Variants in PDE12 observed in about 807,000 individuals in gnomAD.
PDE12 encodes phosphodiesterase 12, also known as 2',5'-phosphodiesterase 12.
In PDE12, 26 loss-of-function variants were observed where a neutral mutation model predicts 45.4. That is an observed-to-expected ratio of 0.57 (90% CI 0.42 to 0.79). PDE12 has a LOEUF of 0.79. PDE12 is among the 30% of genes least tolerant of loss of function. PDE12 has a pLI of 0.00. For missense variants in PDE12, 668 were observed against 790.0 expected, an observed-to-expected ratio of 0.85 and a Z score of 1.85; for synonymous variants, 283 against 323.9, an observed-to-expected ratio of 0.87 and a Z score of 1.36.
At chr3:57,580,791 A>ATTT in the PDE12 span, among the ~76,000 whole-genome samples, 1 of 147,872 alleles carries the variant, frequency 6.8e-6, no homozygotes, top group African/African-American at 2.5e-5. Flanking sequence ...TTTTTTTTTA[A>ATTT]ATGTAAAGAC....
chr3:57,604,337 T>TA, the PDE12 span, among the ~76,000 whole-genome samples: 1 of 152,174 alleles, frequency 6.6e-6, no homozygotes, highest in Non-Finnish European at 1.5e-5. Context: ...CTGATTCATG[T>TA]AATACTGTCT....
rs2069743981 is a variant in PDE12, at chr3:57,563,136, T to G, written c.*3132T>G. 6.6e-6 allele frequency: 1 copy of G among 152,206 alleles called. No individual in the cohort carries two copies. The highest frequency in any genetic ancestry group is 6.5e-5 in the Admixed American group (1 of 15,270). 9.4% of individuals were successfully genotyped at this position (152,206 alleles called of 1,614,324 possible). A position where few individuals can be genotyped will look rare whatever the true frequency, so the allele number is the denominator to read the frequency against. ...GAAAAATAAAAGTTTGCATTATTAG[T>G]TTATCACAAGACCCATGTGACAACT... On this transcript the variant is annotated 3_prime_UTR_variant, in exon 3 of 3. Coordinates refer to ENST00000311180, the MANE Select transcript of PDE12 (RefSeq NM_177966.7).
chr3:57,628,440 TTAGA>T, the PDE12 span: 8 of 1,452,574 alleles, frequency 5.5e-6, no homozygotes, highest in Non-Finnish European at 1.8e-6. Context: ...GGTCTAACAA[TTAGA>T]TACTTTCAGT....
the PDE12 span, among the ~76,000 whole-genome samples, chr3:57,615,161 C>G: frequency 6.6e-6 from 1 of 151,990 alleles, no homozygotes; most frequent in Non-Finnish European, 1.5e-5. Context: ...AGCTCGCCCC[C>G]CTCGGCCTCC....
the PDE12 span, among the ~76,000 whole-genome samples, chr3:57,607,469 C>T: frequency 8.5e-3 from 1,294 of 152,134 alleles, 17 homozygotes; most frequent in African/African-American, 0.029. Flanking sequence ...TTCAAACCCA[C>T]GCAAAGAAGT....
the PDE12 span, chr3:57,646,455 A>G: frequency 2.5e-6 from 4 of 1,598,008 alleles, no homozygotes; most frequent in South Asian, 2.3e-5. Flanking sequence ...GGTGATGCAC[A>G]GTAGAAATAC....
the PDE12 span, among the ~76,000 whole-genome samples, chr3:57,588,024 A>C: frequency 6.6e-6 from 1 of 152,202 alleles, no homozygotes; most frequent in Non-Finnish European, 1.5e-5. Flanking sequence ...ATTTTGAGCC[A>C]CTTCAGTCAT....
chr3:57,628,921 A>C, the PDE12 span: 6 of 1,574,160 alleles, frequency 3.8e-6, no homozygotes, highest in South Asian at 2.3e-5. Context: ...GTAAGTTCTC[A>C]AAATAATATT....
the PDE12 span, chr3:57,598,019 C>T: frequency 1.3e-5 from 2 of 152,178 alleles, no homozygotes; most frequent in Non-Finnish European, 2.9e-5. Context: ...CGCTCCAACA[C>T]GTGTTCATCG....
rs963787920 is a variant in PDE12, at chr3:57,561,652, T to C, written c.*1648T>C. The C allele has an allele frequency of 3.0e-6, 3 of 985,076 alleles. No individual in the cohort carries two copies. The African/African-American group carries it at 5.2e-5, about 17-fold the overall frequency. The allele number at this position is 985,076 out of a possible 1,614,324, so 61.0% of individuals were successfully genotyped here. ...CTGCATTTAATTAATAGCTCGAGTA[T>C]TAAAAGCCCACTCCCTTCAAGAAAA... is the stretch of plus-strand genomic sequence containing the variant. On this transcript the variant is annotated 3_prime_UTR_variant, in exon 3 of 3. Transcript: ENST00000311180.
the PDE12 span, among the ~76,000 whole-genome samples, chr3:57,649,944 G>A: frequency 2.7e-5 from 4 of 147,698 alleles, no homozygotes; most frequent in South Asian, 2.1e-4. Flanking sequence ...CACACACACC[G>A]TGGAATACTA....
chr3:57,587,834 T>C, the PDE12 span, among the ~76,000 whole-genome samples: 2 of 152,204 alleles, frequency 1.3e-5, no homozygotes, highest in African/African-American at 4.8e-5. Context: ...GACAACAGTT[T>C]AATGGCTCAC....
downstream of PDE12, among the ~76,000 whole-genome samples, chr3:57,569,872 AAG>A (rs1489782148): frequency 6.6e-6 from 1 of 151,394 alleles, no homozygotes; most frequent in Non-Finnish European, 1.5e-5. Flanking sequence ...CAATGGTACT[AAG>A]AGCTGCTTTA....
At chr3:57,646,143 C>T in the PDE12 span, among the ~76,000 whole-genome samples, 50 of 152,332 alleles carry the variant, frequency 3.3e-4, 1 homozygote, top group Non-Finnish European at 3.1e-4. Flanking sequence ...ATTTTCTCAT[C>T]CATAAAATGG....
downstream of PDE12, among the ~76,000 whole-genome samples, chr3:57,569,871 T>C (rs1242506563): frequency 6.9e-6 from 1 of 145,434 alleles, no homozygotes; most frequent in East Asian, 2.0e-4. Context: ...CCAATGGTAC[T>C]AAGAGCTGCT....
chr3:57,572,723 TC>T, the PDE12 span, among the ~76,000 whole-genome samples: 2 of 152,042 alleles, frequency 1.3e-5, no homozygotes, highest in African/African-American at 2.4e-5. Context: ...GACAAGATTT[TC>T]CCCCCTCATT....
the PDE12 span, among the ~76,000 whole-genome samples, chr3:57,618,607 GTTT>G: frequency 5.0e-5 from 4 of 79,406 alleles, no homozygotes; most frequent in Admixed American, 4.0e-4. Flanking sequence ...TTGCTTTTGT[GTTT>G]TTTTTTTTTT....
the PDE12 span, among the ~76,000 whole-genome samples, chr3:57,595,059 C>T: frequency 6.6e-6 from 1 of 152,178 alleles, no homozygotes; most frequent in Non-Finnish European, 1.5e-5. Context: ...ACAAGTAACT[C>T]CTAAATCCTC....
the PDE12 span, among the ~76,000 whole-genome samples, chr3:57,579,773 C>A: frequency 6.6e-6 from 1 of 152,090 alleles, no homozygotes; most frequent in Admixed American, 6.6e-5. Flanking sequence ...TACACTGCAT[C>A]TATACCACCT....
Sources: allele counts gnomAD v4.1 joint callset (sites outside exome capture counted in the v4.1 genomes callset), GRCh38; gene constraint gnomAD v4.1.1; transcripts MANE v1.5; gene names NCBI Gene and HGNC (gene_info 2026-07-23, HGNC 2026-07-21).